The following EGFLAM variants were observed in gnomAD, a reference collection of about 807,000 sequenced individuals.
The protein encoded by EGFLAM is pikachurin.
Under a neutral mutation model 113.1 loss-of-function variants are expected in EGFLAM, and 79 were observed. That is an observed-to-expected ratio of 0.70 (90% CI 0.58 to 0.84). The LOEUF is 0.84. EGFLAM is among the 40% of genes least tolerant of loss of function. The pLI is 0.00. For missense variants in EGFLAM, 1,265 were observed against 1,291.6 expected (o/e 0.98, Z 0.32); for synonymous variants, 504 against 487.6 (o/e 1.03, Z -0.44).
chr5:38,397,784 C>G (rs915157830), intron 6 of EGFLAM, among the ~76,000 whole-genome samples: 11 of 152,078 alleles, frequency 7.2e-5, no homozygotes, highest in Admixed American at 6.5e-4. Context: ...TTGACTCTCC[C>G]TACCCCCACC....
intron 11 of EGFLAM, among the ~76,000 whole-genome samples, chr5:38,416,033 A>G (rs1741630410): frequency 6.6e-6 from 1 of 151,880 alleles, no homozygotes; most frequent in African/African-American, 2.4e-5. Context: ...TTGGGTGGAG[A>G]CACAGCCAAG....
intron 1 of EGFLAM, among the ~76,000 whole-genome samples, chr5:38,273,542 C>T (rs1422877736): frequency 2.0e-5 from 3 of 152,238 alleles, no homozygotes; most frequent in South Asian, 2.1e-4. Flanking sequence ...CCTTAGCAGC[C>T]GTGAGATTCT....
At chr5:38,364,149 G>A (rs990828515) in intron 5 of EGFLAM, among the ~76,000 whole-genome samples, 3 of 152,182 alleles carry the variant, frequency 2.0e-5, no homozygotes, top group African/African-American at 7.2e-5. Context: ...ATACAAACAT[G>A]TATGTATGGA....
intron 6 of EGFLAM, among the ~76,000 whole-genome samples, chr5:38,380,668 C>T (rs1740486355): frequency 6.6e-6 from 1 of 152,212 alleles, no homozygotes. Context: ...TGTAATTTTA[C>T]ATTCAGGGTG....
intron 1 of EGFLAM, among the ~76,000 whole-genome samples, chr5:38,269,884 A>C (rs1338426726): frequency 6.6e-6 from 1 of 152,204 alleles, no homozygotes; most frequent in Non-Finnish European, 1.5e-5. Context: ...TGACTTAACA[A>C]AAAGGAAATA....
chr5:38,284,822 G>A (rs971040298), intron 1 of EGFLAM, among the ~76,000 whole-genome samples: 2 of 152,124 alleles, frequency 1.3e-5, no homozygotes, highest in African/African-American at 4.8e-5. Context: ...ATCTTGAGAA[G>A]ATAAAGACAT....
chr5:38,291,590 TTAGAAA>T (rs1326720626), intron 1 of EGFLAM, among the ~76,000 whole-genome samples: 1 of 152,200 alleles, frequency 6.6e-6, no homozygotes, highest in African/African-American at 2.4e-5. Context: ...ATTATTCCCA[TTAGAAA>T]TAGAAGTGGA....
intron 1 of EGFLAM, among the ~76,000 whole-genome samples, chr5:38,311,250 T>A (rs1242353470): frequency 6.6e-5 from 10 of 152,154 alleles, no homozygotes; most frequent in Admixed American, 6.5e-4. Context: ...TTTTCAAGTA[T>A]CCATTATTAT....
At chr5:38,316,777 T>C (rs1007395883) in intron 1 of EGFLAM, among the ~76,000 whole-genome samples, 1 of 152,168 alleles carries the variant, frequency 6.6e-6, no homozygotes, top group Non-Finnish European at 1.5e-5. Flanking sequence ...ACTTCTCTTC[T>C]GGAGAATAAC....
At chr5:38,406,451 C>T (rs985829627) in intron 7 of EGFLAM, among the ~76,000 whole-genome samples, 3 of 152,190 alleles carry the variant, frequency 2.0e-5, no homozygotes, top group African/African-American at 7.2e-5. Context: ...CCATAGGCAG[C>T]TCCTGCCTGC....
chr5:38,275,929 G>A (rs550562223), intron 1 of EGFLAM, among the ~76,000 whole-genome samples: 13 of 152,216 alleles, frequency 8.5e-5, no homozygotes, highest in Non-Finnish European at 1.0e-4. Flanking sequence ...TGGGAAAATC[G>A]CAAATACATG....
chr5:38,456,375 G>A lies in EGFLAM; in HGVS notation c.2688-1936G>A, dbSNP rs116554583. Among the ~76,000 whole-genome samples the A allele has an allele frequency of 6.6e-3, 1,012 of 152,206 alleles. 14 individuals are homozygous for A. Among genetic ancestry groups the A allele is most frequent in the African/African-American group, 0.023 (974 of 41,520 alleles). On this transcript the variant is annotated intron_variant, in intron 19 of 21. Coordinates refer to ENST00000322350, the MANE Select transcript of EGFLAM (RefSeq NM_152403.4). Reference sequence around the variant, plus strand: ...ATCACCCCACGCTGCCTCTCAGAACGGCCATAGATAGTAATTCAGCTAAGT... The same window carrying A: ...ATCACCCCACGCTGCCTCTCAGAACAGCCATAGATAGTAATTCAGCTAAGT...
In EGFLAM at chr5:38,463,965, C is replaced by A. The variant is rs764321978; in HGVS notation, c.3009C>A (p.Ile1003=). 8 of 1,614,118 alleles carry A rather than the reference C, an allele frequency of 5.0e-6. No individual in the cohort carries two copies. ...AAGATGCCGTGGATGGGAAAAACAT[C>A]AACACTTGTGGAGCCAAGTAACACC... ...LVEDAVDGKN[I]NTCGAK is the part of the protein sequence containing the mutation. The change falls in exon 22 of 22, where the codon ATC becomes ATA. Residue 1003 remains isoleucine (I), a synonymous_variant. Transcript: ENST00000322350.
intron 17 of EGFLAM, among the ~76,000 whole-genome samples, chr5:38,446,305 G>A (rs368790142): frequency 6.2e-4 from 94 of 151,846 alleles, no homozygotes; most frequent in African/African-American, 2.2e-3. Context: ...CTCCTTTTCC[G>A]GCGCCGCCTT....
At chr5:38,441,102 G>A (rs1174273257) in intron 17 of EGFLAM, among the ~76,000 whole-genome samples, 1 of 152,188 alleles carries the variant, frequency 6.6e-6, no homozygotes, top group Non-Finnish European at 1.5e-5. Context: ...GCCTGACCCA[G>A]ACCAAGGGGT....
chr5:38,378,914 C>G (rs1740437415), intron 6 of EGFLAM, among the ~76,000 whole-genome samples: 1 of 152,182 alleles, frequency 6.6e-6, no homozygotes. Flanking sequence ...TCTGACCACT[C>G]TTCAAGATGA....
chr5:38,341,779 C>T (rs1739344315), intron 3 of EGFLAM, among the ~76,000 whole-genome samples: 1 of 152,134 alleles, frequency 6.6e-6, no homozygotes, highest in Non-Finnish European at 1.5e-5. Context: ...GTAGAAACTT[C>T]AGCACGATAC....
chr5:38,322,439 C>G lies in EGFLAM; in HGVS notation c.98-15081C>G, dbSNP rs1011848312. ...AGGTGTGGCTAGAGGAGGATCCAAACTGGTCCTTCTAAAACAGGGCCCACG... is the reference window on the plus strand; with the variant it reads ...AGGTGTGGCTAGAGGAGGATCCAAAGTGGTCCTTCTAAAACAGGGCCCACG... On this transcript the variant is annotated intron_variant, in intron 1 of 21. Transcript: ENST00000322350. 4.6e-5 allele frequency among the ~76,000 whole-genome samples: 7 copies of G among 152,328 alleles called. 2 individuals carry two copies. Among genetic ancestry groups the G allele is most frequent in the Admixed American group, 4.6e-4 (7 of 15,306 alleles).
intron 3 of EGFLAM, among the ~76,000 whole-genome samples, chr5:38,339,508 A>G (rs529196574): frequency 9.2e-5 from 14 of 152,288 alleles, no homozygotes; most frequent in African/African-American, 2.9e-4. Flanking sequence ...TGGCAGCAGC[A>G]CCTGAGAGAA....
Sources: gnomAD v4.1 joint callset for allele counts (sites outside exome capture counted in the v4.1 genomes callset) on GRCh38, gnomAD v4.1.1 for gene constraint, MANE v1.5 for transcripts, NCBI Gene and HGNC (gene_info 2026-07-23, HGNC 2026-07-21) for gene names.